IGSF3: variants seen among roughly 807,000 people sequenced by gnomAD.
IGSF3 encodes the protein glu-Trp-Ile EWI motif-containing protein 3.
IGSF3 carries 23 observed loss-of-function variants against 114.4 expected under a neutral mutation model. The ratio of observed to expected loss-of-function variants is 0.20; its 90% CI spans 0.14 to 0.28. IGSF3 has a LOEUF of 0.28. Ranked by LOEUF, IGSF3 falls within the 10% of genes least tolerant of loss-of-function variation. The pLI is 1.00. For missense variants in IGSF3, 1,172 were observed against 1,591.5 expected (o/e 0.74, Z 4.48); for synonymous variants, 571 against 645.2 (o/e 0.88, Z 1.74).
intron 2 of IGSF3, among the ~76,000 whole-genome samples, chr1:116,623,929 T>C (rs569360082): frequency 6.7e-6 from 1 of 148,296 alleles, no homozygotes; most frequent in African/African-American, 2.5e-5. Flanking sequence ...CTACTGAAAA[T>C]ACAAAAATTT....
At chr1:116,623,186 G>T (rs1406576467) in intron 2 of IGSF3, among the ~76,000 whole-genome samples, 2 of 152,220 alleles carry the variant, frequency 1.3e-5, no homozygotes, top group Non-Finnish European at 2.9e-5. Flanking sequence ...TCAGGTGACA[G>T]GAAAACACAA....
rs781437178 is a variant in IGSF3 at position 116,579,650 on chromosome 1, C to CGTT, written c.3075_3076insAAC (p.Asp1025_Asp1026insAsn). On this transcript the variant is annotated inframe_insertion, in exon 10 of 11. Transcript: ENST00000369486. The surrounding 1 kb of genome is among the most constrained non-coding windows in gnomAD (Gnocchi z 6.4). ...AGCAGGGCCGTCCGCTCTGTTGGGTCGTCGTCGTCGTCGTCGTCCTCCTCC... is the reference window on the plus strand; with the variant it reads ...AGCAGGGCCGTCCGCTCTGTTGGGTCGTTGTCGTCGTCGTCGTCGTCCTCCTCC... The CGTT allele has an allele frequency of 2.4e-5, 25 of 1,054,568 alleles. No homozygotes were observed. In the Admixed American group the frequency reaches 5.0e-4, roughly 21 times the overall value. The allele number at this position is 1,054,568 out of a possible 1,614,324, so 65.3% of individuals were successfully genotyped here. A position where few individuals can be genotyped will look rare whatever the true frequency, so the allele number is the denominator to read the frequency against.
intron 2 of IGSF3, 81 bp downstream of exon 2, chr1:116,666,203 A>G (rs1247269982): frequency 3.7e-6 from 5 of 1,366,176 alleles, no homozygotes; most frequent in Middle Eastern, 1.8e-4. Flanking sequence ...AGTGTTGATG[A>G]AAAAGAACCA....
Position 116,575,191 on chromosome 1 carries a change from A to C in IGSF3, c.*2121T>G, listed in dbSNP as rs1659289379. 1 of 152,642 alleles carries C rather than the reference A, an allele frequency of 6.6e-6. No individual in the cohort carries two copies. Among genetic ancestry groups the C allele is most frequent in the Admixed American group, 6.5e-5 (1 of 15,284 alleles). The allele number at this position is 152,642 out of a possible 1,614,324, so 9.5% of individuals were successfully genotyped here. A position where few individuals can be genotyped will look rare whatever the true frequency, so the allele number is the denominator to read the frequency against. ...TAGGAGTCAGCAAATTCCCACTGAA[A>C]GCCCACATCTCTGAAATAAAGAAAT... On this transcript the variant is annotated 3_prime_UTR_variant, in exon 11 of 11. Transcript: ENST00000369486. This position sits in a 1 kb window ranked among gnomAD's most constrained non-coding sequence, Gnocchi z 5.6.
At position 116,579,547 on chromosome 1, in the gene IGSF3, G is replaced by C. The variant is rs775672439; in HGVS notation, c.3179C>G (p.Pro1060Arg). ...CAGCACTGTGAGCCGGTAGAGCACC[G>C]GGGAGAGCCTCTGGAAGCGAAGCCT... Reference protein sequence around the residue: ...EGRLRFQRLSPVLYRLTVLQA... With the variant: ...EGRLRFQRLSRVLYRLTVLQA... The change falls in exon 10 of 11, where the codon CCG becomes CGG. Residue 1060 changes from proline to arginine, a missense_variant. Physicochemically the swap from Pro to Arg is moderately radical, Grantham distance 103 (BLOSUM62 -2). This residue lies in a region of IGSF3 where 423 missense variants were observed against 509.8 expected (regional missense o/e 0.83). Coordinates refer to ENST00000369486, the MANE Select transcript of IGSF3 (RefSeq NM_001007237.3). This position sits in a 1 kb window ranked among gnomAD's most constrained non-coding sequence, Gnocchi z 6.4. 1.2e-6 allele frequency: 2 copies of C among 1,613,982 alleles called. No homozygotes were observed. The highest frequency in any genetic ancestry group is 2.7e-5 in the African/African-American group (2 of 74,880).
In IGSF3 at chr1:116,666,804, T is replaced by C. The variant is rs1221787392; in HGVS notation, c.-478A>G. The C allele has an allele frequency of 2.5e-6, 1 of 398,064 alleles. No homozygotes were observed. The highest frequency in any genetic ancestry group is 4.3e-6 in the Non-Finnish European group (1 of 233,354). The allele number at this position is 398,064 out of a possible 1,614,324, so 24.7% of individuals were successfully genotyped here. ...CCTTTGACGGCCAAATCACCCTGCC[T>C]GGCATCAACCGTTTGGGTTTCTTCA... On this transcript the variant is annotated 5_prime_UTR_variant, in exon 2 of 11. Transcript: ENST00000369486.
At position 116,666,542 on chromosome 1, in the gene IGSF3, G is replaced by T. The variant is rs989535702; in HGVS notation, c.-216C>A. 1.6e-6 allele frequency: 1 copy of T among 613,268 alleles called. No individual in the cohort carries two copies. Among genetic ancestry groups the T allele is most frequent in the African/African-American group, 1.8e-5 (1 of 54,096 alleles). 38.0% of individuals were successfully genotyped at this position (613,268 alleles called of 1,614,324 possible). A position where few individuals can be genotyped will look rare whatever the true frequency, so the allele number is the denominator to read the frequency against. ...AGTGTGAAAACTCCCCTATGCTACA[G>T]GAAGGGTCCACAACAATTCGGAAGT... is the stretch of plus-strand genomic sequence containing the variant. On this transcript the variant is annotated 5_prime_UTR_variant, in exon 2 of 11. In the 5' UTR this introduces an upstream ATG that the reference lacks. Coordinates refer to ENST00000369486, the MANE Select transcript of IGSF3 (RefSeq NM_001007237.3).
Position 116,612,051 on chromosome 1 carries a change from C to A in IGSF3, c.832+1714G>T, listed in dbSNP as rs200936866. Among the ~76,000 whole-genome samples the A allele has an allele frequency of 6.6e-6, 1 of 152,206 alleles. No individual in the cohort carries two copies. The highest frequency in any genetic ancestry group is 2.1e-4 in the South Asian group (1 of 4,830). On this transcript the variant is annotated intron_variant, in intron 4 of 10. Transcript: ENST00000369486. This position sits in a 1 kb window ranked among gnomAD's most constrained non-coding sequence, Gnocchi z 4.1. ...TTTTTTTCACTTAGTTTTCCTTTTGCTGGCTTAGTCTAGATACATTTTCAG... is the reference window on the plus strand; with the variant it reads ...TTTTTTTCACTTAGTTTTCCTTTTGATGGCTTAGTCTAGATACATTTTCAG...
chr1:116,608,254 G>T lies in IGSF3; in HGVS notation c.910C>A (p.Leu304Met). 6.2e-7 allele frequency: 1 copy of T among 1,611,564 alleles called. No homozygotes were observed. The highest frequency in any genetic ancestry group is 1.1e-5 in the South Asian group (1 of 90,974). The change falls in exon 5 of 11, where the codon CTG (leucine) becomes ATG (methionine). Residue 304 changes from leucine (L) to methionine (M), a missense_variant. By Grantham distance (15) the Leu-to-Met change is conservative. Transcript: ENST00000369486. ...CGGTCGGGAACATTCTGAGCCTCCA[G>T]GATGCATCTGAACTCCACCGGCTCG... The part of the protein sequence containing the change: ...VGEPVEFRCI[L>M]EAQNVPDRYF...
At position 116,664,659 on chromosome 1, in the gene IGSF3, T is replaced by C. The variant is rs1386385927; in HGVS notation, c.43+1625A>G. 6.6e-6 allele frequency among the ~76,000 whole-genome samples: 1 copy of C among 152,158 alleles called. No individual in the cohort carries two copies. ...TACAGTACAACAAATACAGATCCAA[T>C]ATGAAGAGACTGGCAAATGAAGGGC... On this transcript the variant is annotated intron_variant, in intron 2 of 10. Transcript: ENST00000369486. The surrounding 1 kb of genome is among the most constrained non-coding windows in gnomAD (Gnocchi z 4.6).
At chr1:116,617,480 T>C in intron 2 of IGSF3, 1 of 321,848 alleles carries the variant, frequency 3.1e-6, no homozygotes, top group Non-Finnish European at 4.5e-6. Context: ...GAGCTGGTTG[T>C]GTCATCTCAG....
In IGSF3 at chr1:116,606,216, C is replaced by T. The variant is rs371652746; in HGVS notation, c.1222+1726G>A. On this transcript the variant is annotated intron_variant, in intron 5 of 10. Transcript: ENST00000369486. ...GGTGTAGCACAGGCTAAGCGCAGGG[C>T]GGTGGGTGTGGAGTTAGAAGCAAAT... Among the ~76,000 whole-genome samples, 560 of 152,342 alleles carry T rather than the reference C, an allele frequency of 3.7e-3. 2 individuals carry two copies. Among genetic ancestry groups the T allele is most frequent in the African/African-American group, 0.013 (528 of 41,586 alleles).
In IGSF3 at chr1:116,585,082, C is replaced by A. The variant is rs1186484805; in HGVS notation, c.2441-30G>T. 1 of 1,496,828 alleles carries A rather than the reference C, an allele frequency of 6.7e-7. No individual in the cohort carries two copies. Among genetic ancestry groups the A allele is most frequent in the East Asian group, 2.3e-5 (1 of 43,658 alleles). The allele number at this position is 1,496,828 out of a possible 1,614,324, so 92.7% of individuals were successfully genotyped here. A position where few individuals can be genotyped will look rare whatever the true frequency, so the allele number is the denominator to read the frequency against. On this transcript the variant is annotated intron_variant, in intron 8 of 10. Transcript: ENST00000369486. This position sits in a 1 kb window ranked among gnomAD's most constrained non-coding sequence, Gnocchi z 4.9. The stretch of plus-strand genomic sequence containing the variant: ...AACAGTAAGGAAGAGACGTCAGCGA[C>A]AAAAGGACAACAAGCAATTCGTACG...
intron 4 of IGSF3, among the ~76,000 whole-genome samples, chr1:116,611,939 T>C (rs1433437867): frequency 6.6e-6 from 1 of 152,092 alleles, no homozygotes; most frequent in Non-Finnish European, 1.5e-5. Context: ...TGGCTACATG[T>C]TTACTGAAAT....
rs1661208176 is a variant in IGSF3, at chr1:116,616,149, A to G, written c.352T>C (p.Tyr118His). The G allele has an allele frequency of 6.2e-7, 1 of 1,613,608 alleles. No homozygotes were observed. The highest frequency in any genetic ancestry group is 1.3e-5 in the African/African-American group (1 of 74,954). Reference protein sequence around the residue: ...TDLQARDAGEYECHTPSTDKQ... With the variant: ...TDLQARDAGEHECHTPSTDKQ... The stretch of plus-strand genomic sequence containing the variant: ...TCAGTGCTGGGTGTGTGGCATTCAT[A>G]CTCCCCGGCATCCCGGGCCTGAAGA... Residue 118 changes from tyrosine (Y) to histidine (H), a missense_variant, in exon 3 of 11, where the codon TAT (tyrosine) becomes CAT (histidine). By Grantham distance (83) the Tyr-to-His change is moderately conservative. Coordinates refer to ENST00000369486, the MANE Select transcript of IGSF3 (RefSeq NM_001007237.3). This position sits in a 1 kb window ranked among gnomAD's most constrained non-coding sequence, Gnocchi z 6.6.
At chr1:116,653,425 C>G (rs964727842) in intron 2 of IGSF3, among the ~76,000 whole-genome samples, 1 of 152,182 alleles carries the variant, frequency 6.6e-6, no homozygotes, top group Admixed American at 6.5e-5. Context: ...TACTTACTTC[C>G]CCCCAAATCA....
chr1:116,649,617 C>T lies in IGSF3; in HGVS notation c.43+16667G>A, dbSNP rs994824866. Among the ~76,000 whole-genome samples, 2 of 152,202 alleles carry T rather than the reference C, an allele frequency of 1.3e-5. No homozygotes were observed. The highest frequency in any genetic ancestry group is 2.9e-5 in the Non-Finnish European group (2 of 68,046). ...TCCTTTGACAGCTTCACTCCCTCCC[C>T]GCACTGCTATCAACTCAAATGTGAG... On this transcript the variant is annotated intron_variant, in intron 2 of 10. Coordinates refer to ENST00000369486, the MANE Select transcript of IGSF3 (RefSeq NM_001007237.3). The surrounding 1 kb of genome is among the most constrained non-coding windows in gnomAD (Gnocchi z 4.5).
In IGSF3 at chr1:116,666,472, G is replaced by A. The variant is rs1336322702; in HGVS notation, c.-146C>T. On this transcript the variant is annotated 5_prime_UTR_variant, in exon 2 of 11. Coordinates refer to ENST00000369486, the MANE Select transcript of IGSF3 (RefSeq NM_001007237.3). ...GAAAATGGGAACAGATTAAAAAGAA[G>A]AGATCAGAAGGAGGGAGTTGGGGGG... 1.3e-6 allele frequency: 1 copy of A among 758,898 alleles called. No individual in the cohort carries two copies. Among genetic ancestry groups the A allele is most frequent in the South Asian group, 1.6e-5 (1 of 61,830 alleles). 47.0% of individuals were successfully genotyped at this position (758,898 alleles called of 1,614,324 possible). A position where few individuals can be genotyped will look rare whatever the true frequency, so the allele number is the denominator to read the frequency against.
intron 2 of IGSF3, chr1:116,646,961 C>T (rs1379670629): frequency 6.6e-6 from 1 of 152,320 alleles, no homozygotes; most frequent in Non-Finnish European, 1.5e-5. Context: ...CAGCACAGTT[C>T]CTGAGATGAC....
Sources: gnomAD v4.1 joint callset for allele counts (sites outside exome capture counted in the v4.1 genomes callset) on GRCh38, gnomAD v4.1.1 for gene constraint, gnomAD v4.1.1 regional missense constraint, Gnocchi (gnomAD v3.1) non-coding constraint, MANE v1.5 for transcripts, NCBI Gene and HGNC (gene_info 2026-07-23, HGNC 2026-07-21) for gene names.